The following PCDHGB6 variants were observed in gnomAD, a reference collection of about 807,000 sequenced individuals.
PCDHGB6 encodes the protein protocadherin gamma-B6.
In PCDHGB6, 51 loss-of-function variants were observed where a neutral mutation model predicts 59.1. That is an observed-to-expected ratio of 0.86 (90% CI 0.69 to 1.09). The LOEUF (loss-of-function observed/expected upper bound fraction) is 1.09, where lower values mean the gene tolerates loss of function less well. Ranked by LOEUF, PCDHGB6 falls within the 50% of genes least tolerant of loss-of-function variation. The pLI is 0.00. For missense variants in PCDHGB6, 1,148 were observed against 1,205.1 expected (o/e 0.95, Z 0.70); for synonymous variants, 466 against 495.1 (o/e 0.94, Z 0.78).
chr5:141,457,891 T>C (rs2154566084), intron 1 of PCDHGB6, among the ~76,000 whole-genome samples: 1 of 152,346 alleles, frequency 6.6e-6, no homozygotes, highest in South Asian at 2.1e-4. Context: ...GTGTGGGGAC[T>C]GTGTAGACAA....
Position 141,491,627 on chromosome 5 carries a change from A to C in PCDHGB6, c.2419-3180A>C. On this transcript the variant is annotated intron_variant, in intron 1 of 3. Transcript: ENST00000520790. The surrounding 1 kb of genome is among the most constrained non-coding windows in gnomAD (Gnocchi z 6.9). ...ACTTTTCTAAGACCCCTCAGCGTTC[A>C]GCAGCCCACAGCTCTGGCGCTGGAG... 6.2e-7 allele frequency: 1 copy of C among 1,613,924 alleles called. No homozygotes were observed. The highest frequency in any genetic ancestry group is 8.5e-7 in the Non-Finnish European group (1 of 1,180,026).
In PCDHGB6 at chr5:141,409,828, C is replaced by G; in HGVS notation, c.1626C>G (p.Leu542=). The G allele has an allele frequency of 6.2e-7, 1 of 1,611,128 alleles. No homozygotes were observed. Among genetic ancestry groups the G allele is most frequent in the Non-Finnish European group, 8.5e-7 (1 of 1,178,994 alleles). ...LQARDHGSPT[L]SANVSLRVLV... ...CCCGCGACCACGGCTCGCCCACGCT[C>G]AGCGCCAACGTGAGCCTGCGCGTGT... Residue 542 remains leucine (L), a synonymous_variant, in exon 1 of 4, where the codon CTC becomes CTG. Coordinates refer to ENST00000520790, the MANE Select transcript of PCDHGB6 (RefSeq NM_018926.3).
chr5:141,512,702 C>T lies in PCDHGB6; in HGVS notation c.*1529C>T, dbSNP rs940927635. 2.0e-5 allele frequency: 3 copies of T among 152,828 alleles called. No homozygotes were observed. Among genetic ancestry groups the T allele is most frequent in the Non-Finnish European group, 2.9e-5 (2 of 68,560 alleles). The allele number at this position is 152,828 out of a possible 1,614,324, so 9.5% of individuals were successfully genotyped here. ...ATAGCCAGTAGTGTAGTGCGGTGTG[C>T]TTTTACGTGATGGCGGGTGGGCAGC... On this transcript the variant is annotated 3_prime_UTR_variant, in exon 4 of 4. Transcript: ENST00000520790.
Position 141,432,254 on chromosome 5 carries a change from G to A in PCDHGB6, c.2418+21634G>A, listed in dbSNP as rs935437220. 6.2e-7 allele frequency: 1 copy of A among 1,614,242 alleles called. No homozygotes were observed. The highest frequency in any genetic ancestry group is 8.5e-7 in the Non-Finnish European group (1 of 1,180,050). ...CCTGGCTGAGAACACCATCCAAGGG[G>A]CAAGCCTATCGTCCTACGTGTCCAT... On this transcript the variant is annotated intron_variant, in intron 1 of 3. Transcript: ENST00000520790. The surrounding 1 kb of genome is among the most constrained non-coding windows in gnomAD (Gnocchi z 6.0).
At chr5:141,505,564 G>GGATGTCAAACCTGTGTAGTTTCTCCA in intron 3 of PCDHGB6, 83 bp downstream of exon 3, 1 of 1,603,196 alleles carries the variant, frequency 6.2e-7, no homozygotes, top group Non-Finnish European at 8.5e-7. Context: ...CCCACGGACT[G>GGATGTCAAACCTGTGTAGTTTCTCCA]GATGTCAAAC....
chr5:141,461,506 AT>A (rs1406680307), intron 1 of PCDHGB6, among the ~76,000 whole-genome samples: 2 of 151,524 alleles, frequency 1.3e-5, no homozygotes, highest in Non-Finnish European at 1.5e-5. Context: ...TTTCTTGGTG[AT>A]TTGTTAGTTC....
At position 141,477,115 on chromosome 5, in the gene PCDHGB6, A is replaced by G. The variant is rs1218111107; in HGVS notation, c.2419-17692A>G. ...AAGACAAGGGCGCCAATCCCGAAGG[A>G]GCACATTGCAAAGTGTTGGTGGAGG... On this transcript the variant is annotated intron_variant, in intron 1 of 3. Transcript: ENST00000520790. This position sits in a 1 kb window ranked among gnomAD's most constrained non-coding sequence, Gnocchi z 4.9. 1 of 1,614,230 alleles carries G rather than the reference A, an allele frequency of 6.2e-7. No homozygotes were observed. Among genetic ancestry groups the G allele is most frequent in the South Asian group, 1.1e-5 (1 of 91,090 alleles).
chr5:141,472,980 C>CAAAAAAAAAAAAAAAAAAGAAAAAAA (rs60579131), intron 1 of PCDHGB6, among the ~76,000 whole-genome samples: 1 of 86,106 alleles, frequency 1.2e-5, no homozygotes, highest in South Asian at 4.3e-4. Flanking sequence ...GAGTGAAACT[C>CAAAAAAAAAAAAAAAAAAGAAAAAAA]AAAAAAAAAA....
intron 1 of PCDHGB6, among the ~76,000 whole-genome samples, chr5:141,472,147 G>T (rs2099272889): frequency 6.6e-6 from 1 of 152,112 alleles, no homozygotes; most frequent in South Asian, 2.1e-4. Flanking sequence ...AAAGTTTCAT[G>T]GTTACATAGC....
In PCDHGB6 at chr5:141,475,486, T is replaced by C. The variant is rs576743657; in HGVS notation, c.2419-19321T>C. Among the ~76,000 whole-genome samples, 14 of 152,370 alleles carry C rather than the reference T, an allele frequency of 9.2e-5. No homozygotes were observed. In the East Asian group the frequency reaches 2.7e-3, roughly 29 times the overall value. On this transcript the variant is annotated intron_variant, in intron 1 of 3. Transcript: ENST00000520790. ...AATGCTAATTTCATTTGGTAAGAGA[T>C]AAAACTGAAATTATTAATGTCTCCA...
intron 1 of PCDHGB6, chr5:141,478,686 GA>G (rs2099472024): frequency 6.4e-7 from 1 of 1,551,134 alleles, no homozygotes; most frequent in South Asian, 1.2e-5. Context: ...GCCCTTCCTA[GA>G]TCAAAGTTAG....
intron 1 of PCDHGB6, among the ~76,000 whole-genome samples, chr5:141,474,588 A>G (rs2099351676): frequency 6.6e-6 from 1 of 152,258 alleles, no homozygotes; most frequent in Non-Finnish European, 1.5e-5. Context: ...TGTTAAAGAC[A>G]TGGAAATATA....
At chr5:141,450,292 C>T (rs1310226132) in intron 1 of PCDHGB6, among the ~76,000 whole-genome samples, 2 of 152,066 alleles carry the variant, frequency 1.3e-5, no homozygotes, top group African/African-American at 2.4e-5. Context: ...GGATTACAGG[C>T]GTGAGCCACC....
At chr5:141,496,080 C>G (rs2099765822) in intron 2 of PCDHGB6, among the ~76,000 whole-genome samples, 2 of 152,150 alleles carry the variant, frequency 1.3e-5, no homozygotes, top group East Asian at 1.9e-4. Context: ...ACACAACCCC[C>G]CACCCACCAC....
rs764482722 is a variant in PCDHGB6 at position 141,432,066 on chromosome 5, C to T, written c.2418+21446C>T. 62 of 1,614,062 alleles carry T rather than the reference C, an allele frequency of 3.8e-5. No individual in the cohort carries two copies. The highest frequency in any genetic ancestry group is 5.2e-5 in the Non-Finnish European group (61 of 1,180,046). On this transcript the variant is annotated intron_variant, in intron 1 of 3. Coordinates refer to ENST00000520790, the MANE Select transcript of PCDHGB6 (RefSeq NM_018926.3). The surrounding 1 kb of genome is among the most constrained non-coding windows in gnomAD (Gnocchi z 6.0). ...GGAACCCCGCCCCTATCCACGGAAA[C>T]TCATATCTCGCTGAACGTGGCAGAC...
In PCDHGB6 at chr5:141,448,679, G is replaced by A. The variant is rs113043083; in HGVS notation, c.2418+38059G>A. On this transcript the variant is annotated intron_variant, in intron 1 of 3. Coordinates refer to ENST00000520790, the MANE Select transcript of PCDHGB6 (RefSeq NM_018926.3). Reference sequence around the variant, plus strand: ...ATATTGGCCGGGCGCGGTGGCTCACGCCTGTAATCGCAGCACTTTGGGAGG... The same window carrying A: ...ATATTGGCCGGGCGCGGTGGCTCACACCTGTAATCGCAGCACTTTGGGAGG... Among the ~76,000 whole-genome samples the A allele has an allele frequency of 8.3e-3, 1,260 of 152,126 alleles. 17 individuals are homozygous for A. Among genetic ancestry groups the A allele is most frequent in the African/African-American group, 0.029 (1,195 of 41,496 alleles).
chr5:141,423,943 G>GA, intron 1 of PCDHGB6: 1 of 1,211,382 alleles, frequency 8.3e-7, no homozygotes, highest in Non-Finnish European at 1.0e-6. Flanking sequence ...GAAGTAAGTT[G>GA]AATTTTAGTA....
intron 1 of PCDHGB6, among the ~76,000 whole-genome samples, chr5:141,425,471 T>A (rs2096877403): frequency 6.6e-6 from 1 of 152,218 alleles, no homozygotes; most frequent in African/African-American, 2.4e-5. Flanking sequence ...TGTTATTAAT[T>A]CCTATGGCAA....
intron 1 of PCDHGB6, among the ~76,000 whole-genome samples, chr5:141,470,055 G>A (rs1432696943): frequency 1.3e-5 from 2 of 152,192 alleles, no homozygotes; most frequent in Non-Finnish European, 1.5e-5. Context: ...TTTGAACCCC[G>A]GAGGCAGAGA....
Sources: allele counts gnomAD v4.1 joint callset (sites outside exome capture counted in the v4.1 genomes callset), GRCh38; gene constraint gnomAD v4.1.1; non-coding constraint Gnocchi (gnomAD v3.1); transcripts MANE v1.5; gene names NCBI Gene and HGNC (gene_info 2026-07-23, HGNC 2026-07-21).